MLLT1: variants seen among roughly 807,000 people sequenced by gnomAD.
The protein encoded by MLLT1 is MLLT1 super elongation complex subunit.
A neutral mutation model predicts 55.1 loss-of-function variants in MLLT1; 11 were observed. The observed-to-expected ratio is 0.20, with a 90% CI of 0.13 to 0.33. MLLT1 has a LOEUF of 0.33. Ranked by LOEUF, MLLT1 falls within the 10% of genes least tolerant of loss-of-function variation. The pLI is 1.00. For synonymous variants in MLLT1, 323 were observed against 320.1 expected (o/e 1.01, Z -0.10); for missense variants, 536 against 760.6 (o/e 0.70, Z 3.47).
chr19:6,212,938 C>G lies in MLLT1; in HGVS notation c.*104G>C. The G allele has an allele frequency of 6.9e-7, 1 of 1,442,958 alleles. No homozygotes were observed. Among genetic ancestry groups the G allele is most frequent in the Non-Finnish European group, 9.4e-7 (1 of 1,059,622 alleles). The allele number at this position is 1,442,958 out of a possible 1,614,324, so 89.4% of individuals were successfully genotyped here. A position where few individuals can be genotyped will look rare whatever the true frequency, so the allele number is the denominator to read the frequency against. On this transcript the variant is annotated 3_prime_UTR_variant, in exon 12 of 12. Transcript: ENST00000252674. The stretch of plus-strand genomic sequence containing the variant: ...TGTGCGGGCGAGGACAGGGCTGTCG[C>G]TAAGGCAGTGCTGCGGGCAGGCGAG...
intron 3 of MLLT1, among the ~76,000 whole-genome samples, chr19:6,239,597 A>G (rs1007056576): frequency 1.3e-5 from 2 of 152,056 alleles, no homozygotes; most frequent in Admixed American, 6.6e-5. Flanking sequence ...CTGTGTACTC[A>G]CACATGCACA....
intron 11 of MLLT1, 56 bp from the exon 12 acceptor site, chr19:6,213,226 T>C (rs1443483176): frequency 6.2e-7 from 1 of 1,611,888 alleles, no homozygotes; most frequent in Non-Finnish European, 8.5e-7. Context: ...GGGGTTGCCC[T>C]GTTCCCTAAC....
chr19:6,235,154 T>A lies in MLLT1; in HGVS notation c.277-4441A>T, dbSNP rs2091047865. ...CGGGCTTGGCTGTGCAGGGACCACC[T>A]TTGGGTGGGTGACGGCTACGAGGGG... On this transcript the variant is annotated intron_variant, in intron 3 of 11. Transcript: ENST00000252674. This position sits in a 1 kb window ranked among gnomAD's most constrained non-coding sequence, Gnocchi z 5.5. Among the ~76,000 whole-genome samples the A allele has an allele frequency of 6.6e-6, 1 of 152,186 alleles. No individual in the cohort carries two copies. The highest frequency in any genetic ancestry group is 1.5e-5 in the Non-Finnish European group (1 of 68,024).
chr19:6,279,527 A>C (rs2091446334), intron 1 of MLLT1, among the ~76,000 whole-genome samples: 1 of 151,516 alleles, frequency 6.6e-6, no homozygotes, highest in Non-Finnish European at 1.5e-5. Flanking sequence ...CTGGGGGGTC[A>C]CCAGGGGCGT....
Position 6,212,836 on chromosome 19 carries a change from GC to G in MLLT1, c.*205del. 2 of 909,982 alleles carry G rather than the reference GC, an allele frequency of 2.2e-6. No homozygotes were observed. The highest frequency in any genetic ancestry group is 3.1e-6 in the Non-Finnish European group (2 of 643,588). 56.4% of individuals were successfully genotyped at this position (909,982 alleles called of 1,614,324 possible). A position where few individuals can be genotyped will look rare whatever the true frequency, so the allele number is the denominator to read the frequency against. ...GAGCCCGGGGGGCGGCTCCCGTGTG[GC>G]CCAGCCCGGCCCCAGGGCTCCTGGC... is the stretch of plus-strand genomic sequence containing the variant. On this transcript the variant is annotated 3_prime_UTR_variant, in exon 12 of 12. Transcript: ENST00000252674.
At position 6,210,466 on chromosome 19, in the gene MLLT1, G is replaced by A. The variant is rs1207872540; in HGVS notation, c.*2576C>T. On this transcript the variant is annotated 3_prime_UTR_variant, in exon 12 of 12. Coordinates refer to ENST00000252674, the MANE Select transcript of MLLT1 (RefSeq NM_005934.4). This position sits in a 1 kb window ranked among gnomAD's most constrained non-coding sequence, Gnocchi z 4.6. ...AATTTAACAAAAGTTTAAAATCCAG[G>A]AAAGAAACAATCCTGTAACTCGTTA... 4.9e-6 allele frequency: 1 copy of A among 202,062 alleles called. No individual in the cohort carries two copies. The highest frequency in any genetic ancestry group is 1.0e-5 in the Non-Finnish European group (1 of 98,274). 12.5% of individuals were successfully genotyped at this position (202,062 alleles called of 1,614,324 possible).
At position 6,240,082 on chromosome 19, in the gene MLLT1, A is replaced by ATTT. The variant is rs2091101056; in HGVS notation, c.277-9370_277-9369insAAA. Among the ~76,000 whole-genome samples, 1 of 152,044 alleles carries ATTT rather than the reference A, an allele frequency of 6.6e-6. No individual in the cohort carries two copies. Among genetic ancestry groups the ATTT allele is most frequent in the Non-Finnish European group, 1.5e-5 (1 of 67,994 alleles). Reference sequence around the variant, plus strand: ...TGCTGCACCTCTCTGAGCCTCAGAGAGAGGCAGGAATCAAACAGGAAAGAG... The same window carrying ATTT: ...TGCTGCACCTCTCTGAGCCTCAGAGATTTGAGGCAGGAATCAAACAGGAAAGAG... On this transcript the variant is annotated intron_variant, in intron 3 of 11. Coordinates refer to ENST00000252674, the MANE Select transcript of MLLT1 (RefSeq NM_005934.4). The surrounding 1 kb of genome is among the most constrained non-coding windows in gnomAD (Gnocchi z 4.7).
At position 6,262,430 on chromosome 19, in the gene MLLT1, C is replaced by A; in HGVS notation, c.194-120G>T. On this transcript the variant is annotated intron_variant, in intron 2 of 11. Coordinates refer to ENST00000252674, the MANE Select transcript of MLLT1 (RefSeq NM_005934.4). The surrounding 1 kb of genome is among the most constrained non-coding windows in gnomAD (Gnocchi z 4.4). ...CCTCACAGGGGCTTGGCTGGCCTCT[C>A]GGGGGTGGCTTTTCAGGAGGTTAAG... 3 of 754,954 alleles carry A rather than the reference C, an allele frequency of 4.0e-6. No homozygotes were observed. The highest frequency in any genetic ancestry group is 3.4e-5 in the South Asian group (2 of 58,952). 46.8% of individuals were successfully genotyped at this position (754,954 alleles called of 1,614,324 possible). A position where few individuals can be genotyped will look rare whatever the true frequency, so the allele number is the denominator to read the frequency against.
chr19:6,228,635 C>G (rs2090976420), intron 4 of MLLT1, among the ~76,000 whole-genome samples: 1 of 152,220 alleles, frequency 6.6e-6, no homozygotes, highest in Non-Finnish European at 1.5e-5. Flanking sequence ...GAAACCAGCC[C>G]CTCCTCCCGG....
intron 8 of MLLT1, among the ~76,000 whole-genome samples, chr19:6,215,289 C>T (rs571529127): frequency 6.6e-6 from 1 of 152,374 alleles, no homozygotes; most frequent in South Asian, 2.1e-4. Context: ...CCCTCTAGAA[C>T]CGAACCTTCC....
At position 6,229,157 on chromosome 19, in the gene MLLT1, C is replaced by T. The variant is rs3787063; in HGVS notation, c.420+1413G>A. 0.012 allele frequency among the ~76,000 whole-genome samples: 1,807 copies of T among 152,188 alleles called. 70 individuals carry two copies. In the East Asian group the frequency reaches 0.13, roughly 11 times the overall value. On this transcript the variant is annotated intron_variant, in intron 4 of 11. Transcript: ENST00000252674. The surrounding 1 kb of genome is among the most constrained non-coding windows in gnomAD (Gnocchi z 5.2). Reference sequence around the variant, plus strand: ...GACGCCCAAAAACACCTACTGCAAACGTGGTGAAAACACCTGGCCATGAAA... The same window carrying T: ...GACGCCCAAAAACACCTACTGCAAATGTGGTGAAAACACCTGGCCATGAAA...
At chr19:6,233,307 G>A (rs2091030179) in intron 3 of MLLT1, among the ~76,000 whole-genome samples, 1 of 152,236 alleles carries the variant, frequency 6.6e-6, no homozygotes, top group Admixed American at 6.5e-5. Context: ...CACCTGCATG[G>A]GAAGGAGCCT....
chr19:6,263,412 G>A (rs1225780134), intron 2 of MLLT1: 1 of 152,434 alleles, frequency 6.6e-6, no homozygotes, highest in East Asian at 1.9e-4. Context: ...GCCCACAGCA[G>A]GGCCACCTCC....
intron 3 of MLLT1, among the ~76,000 whole-genome samples, chr19:6,247,074 C>G (rs1436692065): frequency 6.6e-6 from 1 of 152,126 alleles, no homozygotes; most frequent in South Asian, 2.1e-4. Context: ...TACAAGGCAG[C>G]AACTGGGGAA....
intron 3 of MLLT1, among the ~76,000 whole-genome samples, chr19:6,246,692 G>A (rs756506321): frequency 1.1e-4 from 17 of 152,184 alleles, no homozygotes; most frequent in East Asian, 3.9e-4. Context: ...GCAGAGTCCC[G>A]GTAGATACAC....
rs1227962492 is a variant in MLLT1, at chr19:6,235,288, G to A, written c.277-4575C>T. ...ATGAACGTGGCTGGGGGGCATCCTCGTGCAGAAAGCCTGGGGCCTGAGGGA... is the reference window on the plus strand; with the variant it reads ...ATGAACGTGGCTGGGGGGCATCCTCATGCAGAAAGCCTGGGGCCTGAGGGA... On this transcript the variant is annotated intron_variant, in intron 3 of 11. Coordinates refer to ENST00000252674, the MANE Select transcript of MLLT1 (RefSeq NM_005934.4). The surrounding 1 kb of genome is among the most constrained non-coding windows in gnomAD (Gnocchi z 5.5). Among the ~76,000 whole-genome samples, 8 of 152,200 alleles carry A rather than the reference G, an allele frequency of 5.3e-5. No homozygotes were observed. Among genetic ancestry groups the A allele is most frequent in the Non-Finnish European group, 1.5e-5 (1 of 68,018 alleles).
intron 3 of MLLT1, among the ~76,000 whole-genome samples, chr19:6,238,790 A>G (rs2091086644): frequency 6.6e-6 from 1 of 152,064 alleles, no homozygotes; most frequent in Non-Finnish European, 1.5e-5. Context: ...GGCCAGCAGC[A>G]AACGCCTTCT....
At chr19:6,267,768 T>C (rs1159113320) in intron 2 of MLLT1, among the ~76,000 whole-genome samples, 1 of 152,134 alleles carries the variant, frequency 6.6e-6, no homozygotes, top group South Asian at 2.1e-4. Flanking sequence ...GGAGCGAAGG[T>C]CTTGGTCTTC....
chr19:6,217,874 C>T lies in MLLT1; in HGVS notation c.1198+80G>A, dbSNP rs535487675. ...GGGCCCAGCCTGTGCAGGCAGTGGA[C>T]GCTGAGGAATGCCCATGTGGCCTGA... On this transcript the variant is annotated intron_variant, in intron 7 of 11. Transcript: ENST00000252674. 331 of 1,518,660 alleles carry T rather than the reference C, an allele frequency of 2.2e-4. 3 individuals carry two copies. The South Asian group carries it at 3.5e-3, about 16-fold the overall frequency. The allele number at this position is 1,518,660 out of a possible 1,614,324, so 94.1% of individuals were successfully genotyped here. A position where few individuals can be genotyped will look rare whatever the true frequency, so the allele number is the denominator to read the frequency against.
Sources: gnomAD v4.1 joint callset for allele counts (sites outside exome capture counted in the v4.1 genomes callset) on GRCh38, gnomAD v4.1.1 for gene constraint, Gnocchi (gnomAD v3.1) non-coding constraint, MANE v1.5 for transcripts, NCBI Gene and HGNC (gene_info 2026-07-23, HGNC 2026-07-21) for gene names.